Variants in FSAF1 observed in about 807,000 individuals in gnomAD.
FSAF1 encodes the protein uncharacterized protein C1orf131.
chr1:231,227,100 GCATTC>G, the FSAF1 span: 1 of 1,604,100 alleles, frequency 6.2e-7, no homozygotes, highest in Non-Finnish European at 8.5e-7. Flanking sequence ...AGACGCAAGT[GCATTC>G]CAACAACTCC....
chr1:231,228,516 T>C, the FSAF1 span, among the ~76,000 whole-genome samples: 1 of 151,180 alleles, frequency 6.6e-6, no homozygotes, highest in African/African-American at 2.4e-5. Flanking sequence ...GGAGGATCAC[T>C]TGAACTCAGG....
chr1:231,227,050 G>A, the FSAF1 span: 77 of 1,613,978 alleles, frequency 4.8e-5, 1 homozygote, highest in South Asian at 5.2e-4. Flanking sequence ...ATACCAAACC[G>A]GTGCACTTCT....
At chr1:231,225,880 C>G in the FSAF1 span, 2 of 231,762 alleles carry the variant, frequency 8.6e-6, no homozygotes, top group Admixed American at 5.0e-5. Flanking sequence ...GACTAATAGT[C>G]TTACACTGAA....
At chr1:231,224,683 T>C in the FSAF1 span, 12,871 of 405,476 alleles carry the variant, frequency 0.032, 386 homozygotes, top group African/African-American at 0.09. Context: ...TCAGCTCCGA[T>C]GTCACCTCCT....
At chr1:231,233,339 T>C in the FSAF1 span, among the ~76,000 whole-genome samples, 1 of 152,208 alleles carries the variant, frequency 6.6e-6, no homozygotes, top group Admixed American at 6.5e-5. Flanking sequence ...ACCCAACCTT[T>C]GGCACTTACT....
chr1:231,225,884 C>T, the FSAF1 span: 8 of 221,622 alleles, frequency 3.6e-5, no homozygotes, highest in Non-Finnish European at 6.3e-5. Flanking sequence ...AATAGTCTTA[C>T]ACTGAAAGCT....
the FSAF1 span, chr1:231,238,988 TG>T: frequency 6.2e-7 from 1 of 1,614,162 alleles, no homozygotes; most frequent in Non-Finnish European, 8.5e-7. Flanking sequence ...TCTGGTCCTG[TG>T]GGGGTCCCAG....
At chr1:231,241,016 G>T in the FSAF1 span, 9 of 1,610,378 alleles carry the variant, frequency 5.6e-6, no homozygotes, top group Admixed American at 1.3e-4. Context: ...CTGGGACCCC[G>T]CACTCACCAA....
At chr1:231,224,505 T>G in the FSAF1 span, 1 of 1,350,000 alleles carries the variant, frequency 7.4e-7, no homozygotes. Context: ...CAGTCTGGCC[T>G]GCAAACTCCT....
chr1:231,225,196 G>C, the FSAF1 span: 85 of 520,284 alleles, frequency 1.6e-4, 1 homozygote, highest in Non-Finnish European at 1.4e-5. Context: ...AGCACTCTTA[G>C]AAGTCTTTTC....
At chr1:231,238,759 G>A in the FSAF1 span, 14 of 1,192,394 alleles carry the variant, frequency 1.2e-5, no homozygotes, top group African/African-American at 1.7e-4. Flanking sequence ...CAGGCCTGAG[G>A]ATAGTCAGGC....
At chr1:231,225,762 G>A in the FSAF1 span, 1 of 506,876 alleles carries the variant, frequency 2.0e-6, no homozygotes, top group Non-Finnish European at 3.6e-6. Context: ...GCCAAGGGGG[G>A]AGGATCACTT....
At chr1:231,224,408 G>A in the FSAF1 span, 2 of 1,601,938 alleles carry the variant, frequency 1.2e-6, no homozygotes, top group Non-Finnish European at 1.7e-6. Context: ...ACTTCTTTTT[G>A]GATTTCCTAC....
chr1:231,232,250 T>C, the FSAF1 span, among the ~76,000 whole-genome samples: 1 of 152,198 alleles, frequency 6.6e-6, no homozygotes, highest in Non-Finnish European at 1.5e-5. Context: ...TTACTGCCCA[T>C]AGGCAATACT....
the FSAF1 span, among the ~76,000 whole-genome samples, chr1:231,236,346 ACACT>A: frequency 6.6e-6 from 1 of 152,178 alleles, no homozygotes; most frequent in African/African-American, 2.4e-5. Context: ...TTAACCAGAC[ACACT>A]CACATTTTCA....
At chr1:231,236,923 GGAACATAAGAGTTAA>G in the FSAF1 span, 2 of 151,976 alleles carry the variant, frequency 1.3e-5, no homozygotes, top group Admixed American at 1.3e-4. Flanking sequence ...CCTTATATTT[GGAACATAAGAGTTAA>G]GAAGCTTATC....
At chr1:231,225,416 T>C in the FSAF1 span, 1 of 1,536,906 alleles carries the variant, frequency 6.5e-7, no homozygotes, top group South Asian at 1.1e-5. Flanking sequence ...TTGTCAGAAC[T>C]CATCAGTAGG....
At chr1:231,226,854 A>G in the FSAF1 span, 2 of 1,590,764 alleles carry the variant, frequency 1.3e-6, no homozygotes, top group South Asian at 2.2e-5. Context: ...GAAACAAACC[A>G]TCATATTTTA....
the FSAF1 span, among the ~76,000 whole-genome samples, chr1:231,228,185 T>C: frequency 6.6e-6 from 1 of 152,246 alleles, no homozygotes; most frequent in Non-Finnish European, 1.5e-5. Context: ...TTGTCTTTTT[T>C]CTTACGTGTT....
Sources: allele counts gnomAD v4.1 joint callset (sites outside exome capture counted in the v4.1 genomes callset), GRCh38; gene constraint gnomAD v4.1.1; transcripts MANE v1.5; gene names NCBI Gene and HGNC (gene_info 2026-07-23, HGNC 2026-07-21).